The following SAMD5 variants were observed in gnomAD, a reference collection of about 807,000 sequenced individuals.
The protein encoded by SAMD5 is sterile alpha motif domain containing 5, also known as sterile alpha motif domain-containing protein 5.
Under a neutral mutation model 11.3 loss-of-function variants are expected in SAMD5, and 13 were observed. The observed-to-expected ratio is 1.15, with a 90% confidence interval of 0.75 to 1.83. SAMD5 has a LOEUF of 1.83. SAMD5 is among the 40% of genes most tolerant of loss of function. The pLI is 0.00. For synonymous variants in SAMD5, 129 were observed against 111.3 expected (o/e 1.16, Z -1.00); for missense variants, 255 against 239.1 (o/e 1.07, Z -0.44).
In SAMD5 at chr6:147,706,244, C is replaced by T. The variant is rs549571747; in HGVS notation, c.163-31073C>T. Among the ~76,000 whole-genome samples the T allele has an allele frequency of 1.3e-4, 20 of 151,982 alleles. No homozygotes were observed. In the East Asian group the frequency reaches 2.1e-3, roughly 16 times the overall value. On this transcript the variant is annotated intron_variant, in intron 1 of 1. Coordinates refer to the SAMD5 transcript ENST00000566741. ...TTTTTTGTTTTTGTTTTTTTCGAGA[C>T]GGAGTCTTACTTTGTTACCCAGGCT...
the SAMD5 span, among the ~76,000 whole-genome samples, chr6:147,795,560 T>C: frequency 0.011 from 1,681 of 150,868 alleles, 40 homozygotes; most frequent in African/African-American, 0.039. Context: ...GCATGATTTA[T>C]AGTCCTTTGG....
In SAMD5 at chr6:147,567,970, T is replaced by A. The variant is rs1789070273; in HGVS notation, c.*3514T>A. 1.0e-6 allele frequency: 1 copy of A among 985,592 alleles called. No individual in the cohort carries two copies. The highest frequency in any genetic ancestry group is 6.2e-5 in the Admixed American group (1 of 16,256). The allele number at this position is 985,592 out of a possible 1,614,324, so 61.1% of individuals were successfully genotyped here. A position where few individuals can be genotyped will look rare whatever the true frequency, so the allele number is the denominator to read the frequency against. On this transcript the variant is annotated 3_prime_UTR_variant, in exon 2 of 2. Coordinates refer to ENST00000367474, the MANE Select transcript of SAMD5 (RefSeq NM_001030060.3). Reference sequence around the variant, plus strand: ...CAGCAAATTCATAAAGGCCAGCAGTTTTCAAGTCTGGGGAAATAGGCACAT... The same window carrying A: ...CAGCAAATTCATAAAGGCCAGCAGTATTCAAGTCTGGGGAAATAGGCACAT...
At chr6:147,621,643 A>T (rs943269295) in intron 1 of SAMD5, among the ~76,000 whole-genome samples, 1 of 152,216 alleles carries the variant, frequency 6.6e-6, no homozygotes, top group Non-Finnish European at 1.5e-5. Flanking sequence ...AACAAGCCAG[A>T]TAAAAGGATA....
At chr6:147,816,040 G>A in the SAMD5 span, among the ~76,000 whole-genome samples, 1 of 151,836 alleles carries the variant, frequency 6.6e-6, no homozygotes, top group Non-Finnish European at 1.5e-5. Context: ...AGCACTTTGG[G>A]AGGCCAAACG....
the SAMD5 span, among the ~76,000 whole-genome samples, chr6:147,826,783 G>A: frequency 8.0e-3 from 1,216 of 152,270 alleles, 7 homozygotes; most frequent in Non-Finnish European, 0.014. Context: ...GGTCATCATT[G>A]TGGTGTTATT....
At chr6:147,662,033 C>T (rs1319666239) in intron 1 of SAMD5, among the ~76,000 whole-genome samples, 1 of 152,216 alleles carries the variant, frequency 6.6e-6, no homozygotes, top group African/African-American at 2.4e-5. Context: ...TTCGTCCTCT[C>T]CTTATGTTTC....
intron 1 of SAMD5, among the ~76,000 whole-genome samples, chr6:147,618,605 C>A (rs1240057423): frequency 6.6e-6 from 1 of 152,190 alleles, no homozygotes; most frequent in Admixed American, 6.5e-5. Context: ...CTCTGTGTAA[C>A]CGTGTTGTGA....
At chr6:147,527,027 C>CA (rs1788353309) in intron 1 of SAMD5, among the ~76,000 whole-genome samples, 1 of 152,178 alleles carries the variant, frequency 6.6e-6, no homozygotes, top group South Asian at 2.1e-4. Flanking sequence ...TCTCTTTATC[C>CA]ATAGTCACCC....
At chr6:147,737,309 T>C (rs1791818534) in intron 1 of SAMD5, 6 of 1,207,268 alleles carry the variant, frequency 5.0e-6, no homozygotes, top group Non-Finnish European at 5.3e-6. Context: ...CCTCTTTTTA[T>C]GCTCCAGGTA....
the SAMD5 span, among the ~76,000 whole-genome samples, chr6:147,824,914 G>A: frequency 6.6e-6 from 1 of 152,158 alleles, no homozygotes; most frequent in Non-Finnish European, 1.5e-5. Context: ...CTCTTAGATT[G>A]TGCACTGTAG....
At chr6:147,586,842 TTTTCTC>T (rs1242569337) in intron 1 of SAMD5, among the ~76,000 whole-genome samples, 2 of 152,090 alleles carry the variant, frequency 1.3e-5, no homozygotes, top group Non-Finnish European at 2.9e-5. Context: ...TTCTTCTCAC[TTTTCTC>T]TTTCTCTGAT....
chr6:147,830,373 C>T, the SAMD5 span, among the ~76,000 whole-genome samples: 14 of 149,804 alleles, frequency 9.3e-5, no homozygotes, highest in Admixed American at 2.0e-4. Context: ...TTTCATGCCT[C>T]AGCCTCCTTA....
chr6:147,580,933 G>A (rs891646077), intron 1 of SAMD5, among the ~76,000 whole-genome samples: 5 of 152,088 alleles, frequency 3.3e-5, no homozygotes, highest in African/African-American at 4.8e-5. Context: ...ACGCTATGTT[G>A]GGGGTAAAGC....
At chr6:147,636,163 C>A (rs569585157) in intron 1 of SAMD5, among the ~76,000 whole-genome samples, 2 of 152,004 alleles carry the variant, frequency 1.3e-5, no homozygotes, top group Non-Finnish European at 2.9e-5. Context: ...TTAGAAGACA[C>A]GATAAAATCT....
At chr6:147,808,256 G>C in the SAMD5 span, among the ~76,000 whole-genome samples, 1 of 152,220 alleles carries the variant, frequency 6.6e-6, no homozygotes, top group Non-Finnish European at 1.5e-5. Context: ...AGGCTGGAGT[G>C]CAGTGATGCA....
the SAMD5 span, among the ~76,000 whole-genome samples, chr6:147,877,492 A>G: frequency 6.6e-6 from 1 of 152,186 alleles, no homozygotes; most frequent in Non-Finnish European, 1.5e-5. Context: ...AATGTATTTG[A>G]CACATTTGTT....
intron 1 of SAMD5, among the ~76,000 whole-genome samples, chr6:147,599,686 C>A (rs1451737018): frequency 2.6e-5 from 4 of 152,118 alleles, no homozygotes; most frequent in Admixed American, 6.5e-5. Context: ...ATTGTCAGTT[C>A]ATATTTCTGT....
At chr6:147,771,641 C>A in the SAMD5 span, among the ~76,000 whole-genome samples, 1 of 152,130 alleles carries the variant, frequency 6.6e-6, no homozygotes, top group East Asian at 1.9e-4. Flanking sequence ...GCTGTTTTGA[C>A]AGGCTTCAGT....
At chr6:147,835,603 G>C in the SAMD5 span, among the ~76,000 whole-genome samples, 2 of 152,074 alleles carry the variant, frequency 1.3e-5, no homozygotes, top group Admixed American at 6.5e-5. Context: ...TGCCATTTCT[G>C]TTTACCCCGA....
Sources: gnomAD v4.1 joint callset for allele counts (sites outside exome capture counted in the v4.1 genomes callset) on GRCh38, gnomAD v4.1.1 for gene constraint, MANE v1.5 for transcripts, NCBI Gene and HGNC (gene_info 2026-07-23, HGNC 2026-07-21) for gene names.